SLC1A1: variants seen among roughly 807,000 people sequenced by gnomAD.
SLC1A1 encodes solute carrier family 1 member 1.
SLC1A1 carries 43 observed loss-of-function variants against 53.3 expected under a neutral mutation model. That is an observed-to-expected ratio of 0.81 (90% CI 0.63 to 1.04). SLC1A1 has a LOEUF of 1.04. Ranked by LOEUF, SLC1A1 falls within the 50% of genes least tolerant of loss-of-function variation. SLC1A1 has a pLI of 0.00. For missense variants in SLC1A1, 748 were observed against 664.9 expected (o/e 1.12, Z -1.37); for synonymous variants, 307 against 243.2 (o/e 1.26, Z -2.44).
intron 1 of SLC1A1, among the ~76,000 whole-genome samples, chr9:4,542,961 A>C (rs1817146535): frequency 6.6e-6 from 1 of 152,188 alleles, no homozygotes; most frequent in Admixed American, 6.5e-5. Context: ...GTAGTGTGTA[A>C]ACACTACTGA....
intron 2 of SLC1A1, among the ~76,000 whole-genome samples, chr9:4,545,933 T>C (rs528142065): frequency 6.6e-6 from 1 of 152,310 alleles, no homozygotes; most frequent in East Asian, 1.9e-4. Context: ...TGGTGTTAGA[T>C]TGAAAATCAA....
intron 2 of SLC1A1, among the ~76,000 whole-genome samples, chr9:4,548,563 T>C (rs377496241): frequency 1.3e-5 from 2 of 152,134 alleles, no homozygotes; most frequent in Admixed American, 6.5e-5. Context: ...AAATACTTTA[T>C]AGCTTTTTTA....
In SLC1A1 at chr9:4,544,721, A is replaced by C. The variant is rs45518336; in HGVS notation, c.232+14A>C. 6.2e-7 allele frequency: 1 copy of C among 1,604,482 alleles called. No individual in the cohort carries two copies. The highest frequency in any genetic ancestry group is 8.5e-7 in the Non-Finnish European group (1 of 1,171,842). On this transcript the variant is annotated intron_variant, in intron 2 of 11. Coordinates refer to ENST00000262352, the MANE Select transcript of SLC1A1 (RefSeq NM_004170.6). ...GCATGATTACAGGTACCTTGAGAAA[A>C]CAGATGTTCTCTATATTAGTCCATT...
At chr9:4,544,443 G>A (rs183610646) in intron 1 of SLC1A1, 124 bp from the exon 2 acceptor site, 12 of 839,500 alleles carry the variant, frequency 1.4e-5, no homozygotes. Flanking sequence ...AGACTCATGG[G>A]AAATGATCTA....
At chr9:4,518,048 G>A (rs901853470) in intron 1 of SLC1A1, among the ~76,000 whole-genome samples, 1 of 151,338 alleles carries the variant, frequency 6.6e-6, no homozygotes, top group African/African-American at 2.4e-5. Flanking sequence ...GCCAACATGG[G>A]GAAACTCCAT....
rs62542093 is a variant in SLC1A1, at chr9:4,561,769, T to C, written c.325+228T>C. ...AGCCGGGTATGGTAACATGCGCCTG[T>C]AGTCCCAGCTACTTGGGAGGCTGAG... On this transcript the variant is annotated intron_variant, in intron 3 of 11. Transcript: ENST00000262352. Among the ~76,000 whole-genome samples the C allele has an allele frequency of 0.23, 35,510 of 152,014 alleles. 4,739 individuals are homozygous for C. The highest frequency in any genetic ancestry group is 0.46 in the East Asian group (2,396 of 5,158).
chr9:4,554,374 C>T (rs1366153592), intron 2 of SLC1A1: 1 of 152,194 alleles, frequency 6.6e-6, no homozygotes, highest in East Asian at 1.9e-4. Context: ...CTCCTGCCTT[C>T]ATGGAGCTTA....
chr9:4,557,998 T>C (rs1382089927), intron 2 of SLC1A1, among the ~76,000 whole-genome samples: 1 of 152,202 alleles, frequency 6.6e-6, no homozygotes, highest in Admixed American at 6.5e-5. Context: ...GTAATGAGAA[T>C]TAAAGATGAT....
In SLC1A1 at chr9:4,530,113, T is replaced by C. The variant is rs1586717645; in HGVS notation, c.92-14454T>C. On this transcript the variant is annotated intron_variant, in intron 1 of 11. Coordinates refer to ENST00000262352, the MANE Select transcript of SLC1A1 (RefSeq NM_004170.6). ...ATTACTTCCCTTATTTTTCTCTTAT[T>C]TTTATTTGGGTTGATAGGAAGGAGG... 7.2e-5 allele frequency among the ~76,000 whole-genome samples: 11 copies of C among 152,300 alleles called. No homozygotes were observed. The South Asian group carries it at 2.3e-3, about 32-fold the overall frequency.
chr9:4,574,189 G>T (rs1586839684), intron 8 of SLC1A1, among the ~76,000 whole-genome samples, 175 bp downstream of exon 8: 1 of 152,182 alleles, frequency 6.6e-6, no homozygotes, highest in African/African-American at 2.4e-5. Context: ...TGTACTGTAG[G>T]TGGATCATGC....
chr9:4,523,993 T>G (rs1015756129), intron 1 of SLC1A1, among the ~76,000 whole-genome samples: 5 of 152,236 alleles, frequency 3.3e-5, no homozygotes, highest in African/African-American at 1.2e-4. Context: ...ATGCTTCATG[T>G]GATTTAACAT....
chr9:4,582,931 C>A, intron 10 of SLC1A1, 107 bp from the exon 11 acceptor site: 1 of 1,401,650 alleles, frequency 7.1e-7, no homozygotes, highest in Non-Finnish European at 1.0e-6. Flanking sequence ...AATTTAGGGA[C>A]ACAGCAGTAA....
Position 4,544,575 on chromosome 9 carries a change from A to G in SLC1A1, c.100A>G (p.Thr34Ala), listed in dbSNP as rs1483008971. ...TVAAVVLGITTGVLVREHSNL... is the reference protein window; with the variant it reads ...TVAAVVLGITAGVLVREHSNL... ...ACTCTTGTTTTCCTTAGGCATTACC[A>G]CAGGAGTCTTGGTTCGAGAACACAG... Residue 34 changes from threonine to alanine, a missense_variant, in exon 2 of 12, where the codon ACA (threonine) becomes GCA (alanine). Transcript: ENST00000262352. The G allele has an allele frequency of 6.2e-7, 1 of 1,613,652 alleles. No individual in the cohort carries two copies. The highest frequency in any genetic ancestry group is 8.5e-7 in the Non-Finnish European group (1 of 1,179,638).
At chr9:4,505,041 A>ATTTTTTT (rs1820752237) in intron 1 of SLC1A1, among the ~76,000 whole-genome samples, 1 of 73,822 alleles carries the variant, frequency 1.4e-5, no homozygotes, top group South Asian at 4.7e-4. Context: ...GTGTACATAT[A>ATTTTTTT]TTTCTTTTTT....
chr9:4,533,311 G>A (rs916047710), intron 1 of SLC1A1, among the ~76,000 whole-genome samples: 30 of 152,158 alleles, frequency 2.0e-4, no homozygotes, highest in Admixed American at 1.8e-3. Context: ...GCTGTATTCA[G>A]GAAACCCATC....
chr9:4,496,446 C>T (rs1048094693), intron 1 of SLC1A1, among the ~76,000 whole-genome samples: 1 of 151,966 alleles, frequency 6.6e-6, no homozygotes, highest in African/African-American at 2.4e-5. Context: ...TCTTGAATGC[C>T]TGGCTTCAAG....
rs1586679520 is a variant in SLC1A1, at chr9:4,490,823, C to T, written c.91+53C>T. The T allele has an allele frequency of 8.1e-6, 12 of 1,480,270 alleles. No homozygotes were observed. The East Asian group carries it at 2.8e-4, about 34-fold the overall frequency. The allele number at this position is 1,480,270 out of a possible 1,614,324, so 91.7% of individuals were successfully genotyped here. A position where few individuals can be genotyped will look rare whatever the true frequency, so the allele number is the denominator to read the frequency against. On this transcript the variant is annotated intron_variant, in intron 1 of 11. Coordinates refer to ENST00000262352, the MANE Select transcript of SLC1A1 (RefSeq NM_004170.6). ...GCGCACCCTCACGCGCTCTCTGCGC[C>T]CAGGCCGCGTGCGGCTGAGGGTGGG...
At chr9:4,525,418 A>C (rs572895435) in intron 1 of SLC1A1, among the ~76,000 whole-genome samples, 4 of 152,264 alleles carry the variant, frequency 2.6e-5, no homozygotes, top group Admixed American at 2.6e-4. Flanking sequence ...CAGAAAAAAT[A>C]AGTAGCCTGT....
At chr9:4,526,193 G>A (rs1671801644) in intron 1 of SLC1A1, among the ~76,000 whole-genome samples, 1 of 152,006 alleles carries the variant, frequency 6.6e-6, no homozygotes, top group Non-Finnish European at 1.5e-5. Flanking sequence ...CTCCAAAAGG[G>A]AGAAAAATAA....
Sources: gnomAD v4.1 joint callset for allele counts (sites outside exome capture counted in the v4.1 genomes callset) on GRCh38, gnomAD v4.1.1 for gene constraint, MANE v1.5 for transcripts, NCBI Gene and HGNC (gene_info 2026-07-23, HGNC 2026-07-21) for gene names.